The following GDPD2 variants were observed in gnomAD, a reference collection of about 807,000 sequenced individuals.
The protein encoded by GDPD2 is glycerophosphodiester phosphodiesterase domain containing 2.
GDPD2 carries 23 observed loss-of-function variants against 49.2 expected under a neutral mutation model. The observed-to-expected ratio is 0.47, with a 90% CI of 0.34 to 0.66. The LOEUF is 0.66. GDPD2 is among the 30% of genes least tolerant of loss of function. The pLI is 0.01. For missense variants in GDPD2, 338 were observed against 424.7 expected, an observed-to-expected ratio of 0.80 and a Z score of 1.79; for synonymous variants, 167 against 171.4, an observed-to-expected ratio of 0.97 and a Z score of 0.20.
rs1387078636 is a variant in GDPD2 at position 70,429,536 on chromosome X, A to T, written c.980A>T (p.Gln327Leu). 1 of 1,209,445 alleles carries T rather than the reference A, an allele frequency of 8.3e-7. No individual in the cohort carries two copies. Among genetic ancestry groups the T allele is most frequent in the Admixed American group, 2.2e-5 (1 of 46,049 alleles). ...GCCAAACCGCTGGCAGGCCCTGATC[A>T]GAAAGAGGCTGAGAGTCAGACGGTA... is the stretch of plus-strand genomic sequence containing the variant. Reference protein sequence around the residue: ...WGAKPLAGPDQKEAESQTVPA... With the variant: ...WGAKPLAGPDLKEAESQTVPA... Residue 327 changes from glutamine (Q) to leucine (L), a missense_variant, in exon 11 of 16, where the codon CAG becomes CTG. Gln to Leu is a moderately radical substitution (Grantham distance 113, BLOSUM62 -2). This residue lies in a region of GDPD2 where 253 missense variants were observed against 330.4 expected (regional missense o/e 0.77). Coordinates refer to ENST00000374382, the MANE Select transcript of GDPD2 (RefSeq NM_017711.4).
intron 12 of GDPD2, chrX:70,431,217 C>A: frequency 3.1e-6 from 2 of 645,507 alleles, no homozygotes; most frequent in Non-Finnish European, 4.8e-6. Context: ...TCAATATCAG[C>A]TGCTAATCAA....
chrX:70,427,366 A>G lies in GDPD2; in HGVS notation c.839A>G (p.Asn280Ser). The G allele has an allele frequency of 8.3e-7, 1 of 1,208,633 alleles. No individual in the cohort carries two copies. Among genetic ancestry groups the G allele is most frequent in the Non-Finnish European group, 1.1e-6 (1 of 892,853 alleles). The change falls in exon 10 of 16, where the codon AAT becomes AGT. Residue 280 changes from asparagine to serine, a missense_variant. This residue lies in a region of GDPD2 where 253 missense variants were observed against 330.4 expected (regional missense o/e 0.77). Transcript: ENST00000374382. ...MHDEHLSRTT[N>S]VASVFPTRIT... is the part of the protein sequence containing the mutation. Reference sequence around the variant, plus strand: ...GATGAGCACCTCAGCAGGACCACGAATGTAGCCTCTGTATTCCCAACCCGA... The same window carrying G: ...GATGAGCACCTCAGCAGGACCACGAGTGTAGCCTCTGTATTCCCAACCCGA...
chrX:70,430,441 A>T (rs1181234614), intron 12 of GDPD2, among the ~76,000 whole-genome samples: 3 of 111,727 alleles, frequency 2.7e-5, no homozygotes, highest in Non-Finnish European at 5.6e-5. Context: ...TAAAGAGGTG[A>T]TATCTAAGCT....
At chrX:70,425,492 C>A in intron 3 of GDPD2, 35 bp downstream of exon 3, 1 of 937,521 alleles carries the variant, frequency 1.1e-6, no homozygotes, top group Non-Finnish European at 1.6e-6. Flanking sequence ...CCCCAGCATA[C>A]CTGTCAACCT....
chrX:70,425,909 G>T, intron 4 of GDPD2, 53 bp downstream of exon 4: 1 of 911,818 alleles, frequency 1.1e-6, no homozygotes, highest in South Asian at 2.0e-5. Context: ...TTCCTGCTTA[G>T]TTTTAGCTCC....
intron 10 of GDPD2, 168 bp downstream of exon 10, chrX:70,427,631 G>A (rs1226958974): frequency 1.4e-5 from 6 of 420,248 alleles, no homozygotes; most frequent in Non-Finnish European, 2.4e-5. Context: ...AGACGATTCA[G>A]GAAACCCAGA....
At position 70,427,176 on chromosome X, in the gene GDPD2, G is replaced by A; in HGVS notation, c.742G>A (p.Ala248Thr). ...ENTLMSLRKT[A>T]ECGATVFETD... Reference sequence around the variant, plus strand: ...CACCCTGATGTCCTTGCGGAAGACAGCTGAATGCGGAGCTACTGTGTTTGA... The same window carrying A: ...CACCCTGATGTCCTTGCGGAAGACAACTGAATGCGGAGCTACTGTGTTTGA... The change falls in exon 9 of 16, where the codon GCT becomes ACT. Residue 248 changes from alanine (A) to threonine (T), a missense_variant. Around this residue, in one of 3 missense-constraint regions of GDPD2, gnomAD observed 253 missense variants for 330.4 expected, o/e 0.77. Coordinates refer to ENST00000374382, the MANE Select transcript of GDPD2 (RefSeq NM_017711.4). 1 of 1,208,157 alleles carries A rather than the reference G, an allele frequency of 8.3e-7. No homozygotes were observed. The highest frequency in any genetic ancestry group is 1.1e-6 in the Non-Finnish European group (1 of 892,349).
chrX:70,431,252 G>A, intron 12 of GDPD2: 2 of 528,935 alleles, frequency 3.8e-6, no homozygotes, highest in Non-Finnish European at 6.3e-6. Flanking sequence ...TCCAAAAGAT[G>A]TGAATTGGTA....
intron 2 of GDPD2, 95 bp downstream of exon 2, chrX:70,425,184 G>A: frequency 1.5e-6 from 1 of 681,147 alleles, no homozygotes; most frequent in Non-Finnish European, 2.3e-6. Context: ...ACAGCTTGGG[G>A]GAAGGGGCTC....
chrX:70,432,158 T>G, intron 12 of GDPD2, 149 bp from the exon 13 acceptor site: 1 of 486,862 alleles, frequency 2.1e-6, no homozygotes, highest in Non-Finnish European at 3.5e-6. Context: ...GAAAGGAAAA[T>G]CATTGTTGGT....
In GDPD2 at chrX:70,427,457, C is replaced by T. The variant is rs1411299507; in HGVS notation, c.930C>T (p.Phe310=). 8.3e-7 allele frequency: 1 copy of T among 1,207,533 alleles called. No homozygotes were observed. The highest frequency in any genetic ancestry group is 1.1e-6 in the Non-Finnish European group (1 of 892,296). ...AGAGACTCAATGCTGGATCCTGGTT[C>T]CTAGAGGTGAGGACAGCCTCTGCAA... ...ELKRLNAGSW[F]LERRPFWGAK... is the part of the protein sequence containing the mutation. The change falls in exon 10 of 16, where the codon TTC becomes TTT. Residue 310 remains phenylalanine (F), a synonymous_variant. Coordinates refer to ENST00000374382, the MANE Select transcript of GDPD2 (RefSeq NM_017711.4).
intron 1 of GDPD2, among the ~76,000 whole-genome samples, chrX:70,424,133 C>T (rs1293297971): frequency 9.0e-6 from 1 of 111,513 alleles, no homozygotes; most frequent in Admixed American, 9.5e-5. Flanking sequence ...CAACCACACC[C>T]CGCATACACA....
At position 70,425,392 on chromosome X, in the gene GDPD2, C is replaced by T. The variant is rs2086411997; in HGVS notation, c.144C>T (p.Phe48=). 2 of 1,205,581 alleles carry T rather than the reference C, an allele frequency of 1.7e-6. No homozygotes were observed. The highest frequency in any genetic ancestry group is 1.7e-5 in the African/African-American group (1 of 57,590). Residue 48 remains phenylalanine (F), a synonymous_variant, in exon 3 of 16, where the codon TTC becomes TTT. Coordinates refer to ENST00000374382, the MANE Select transcript of GDPD2 (RefSeq NM_017711.4). The part of the protein sequence containing the change: ...CIWFGLLFLT[F]LLSLSWLYIG... Reference sequence around the variant, plus strand: ...GGTTTGGCCTGCTCTTCCTCACCTTCCTCCTTTCCCTGAGCTGGCTGTACA... The same window carrying T: ...GGTTTGGCCTGCTCTTCCTCACCTTTCTCCTTTCCCTGAGCTGGCTGTACA...
chrX:70,427,055 C>T, intron 8 of GDPD2, 44 bp downstream of exon 8: 3 of 1,195,338 alleles, frequency 2.5e-6, no homozygotes, highest in South Asian at 1.8e-5. Flanking sequence ...AGGGTCTGCT[C>T]GTTTGCACCA....
chrX:70,429,743 C>T (rs753676131), intron 11 of GDPD2, 29 bp downstream of exon 11: 5 of 1,102,394 alleles, frequency 4.5e-6, no homozygotes, highest in Non-Finnish European at 6.3e-6. Flanking sequence ...CCTCTCCCCA[C>T]CCTGCCTTCC....
intron 12 of GDPD2, chrX:70,431,228 C>A: frequency 3.4e-6 from 2 of 587,352 alleles, no homozygotes; most frequent in Non-Finnish European, 5.5e-6. Flanking sequence ...TGCTAATCAA[C>A]TGCTGATCAT....
In GDPD2 at chrX:70,425,369, T is replaced by A. The variant is rs1317948775; in HGVS notation, c.121T>A (p.Phe41Ile). 5 of 1,197,173 alleles carry A rather than the reference T, an allele frequency of 4.2e-6. No homozygotes were observed. Among genetic ancestry groups the A allele is most frequent in the Non-Finnish European group, 5.7e-6 (5 of 882,206 alleles). Residue 41 changes from phenylalanine (F) to isoleucine (I), a missense_variant, in exon 3 of 16, where the codon TTT becomes ATT. This residue lies in a region of GDPD2 where 75 missense variants were observed against 67.6 expected (regional missense o/e 1.11). Coordinates refer to ENST00000374382, the MANE Select transcript of GDPD2 (RefSeq NM_017711.4). ...CCCTTTGCAGTGCGACTGTATCTGG[T>A]TTGGCCTGCTCTTCCTCACCTTCCT... Reference protein sequence around the residue: ...MQTSKCDCIWFGLLFLTFLLS... With the variant: ...MQTSKCDCIWIGLLFLTFLLS...
intron 12 of GDPD2, chrX:70,431,237 A>T: frequency 1.8e-6 from 1 of 561,963 alleles, no homozygotes; most frequent in Non-Finnish European, 2.9e-6. Flanking sequence ...ACTGCTGATC[A>T]TGTTTCCAAA....
chrX:70,430,063 A>G lies in GDPD2; in HGVS notation c.1307A>G (p.Lys436Arg), dbSNP rs766202634. ...PYQDLPLLDI[K>R]ALHKDNVSVN... ...CAAGATCTGCCACTATTGGATATCA[A>G]GTGAGTGCTAGAGGAAAGGAACCAA... is the stretch of plus-strand genomic sequence containing the variant. Residue 436 changes from lysine (K) to arginine (R), a missense_variant and splice_region_variant, in exon 12 of 16, where the codon AAG becomes AGG. By Grantham distance (26) the Lys-to-Arg change is conservative (BLOSUM62 2). Around this residue, in one of 3 missense-constraint regions of GDPD2, gnomAD observed 253 missense variants for 330.4 expected, o/e 0.77. Coordinates refer to ENST00000374382, the MANE Select transcript of GDPD2 (RefSeq NM_017711.4). 19 of 1,202,088 alleles carry G rather than the reference A, an allele frequency of 1.6e-5. No individual in the cohort carries two copies. In the South Asian group the frequency reaches 3.4e-4, roughly 22 times the overall value.
Sources: gnomAD v4.1 joint callset for allele counts (sites outside exome capture counted in the v4.1 genomes callset) on GRCh38, gnomAD v4.1.1 for gene constraint, gnomAD v4.1.1 regional missense constraint, MANE v1.5 for transcripts, NCBI Gene and HGNC (gene_info 2026-07-23, HGNC 2026-07-21) for gene names.